Variants in KSR1 observed in about 807,000 individuals in gnomAD.
KSR1 encodes the protein kinase suppressor of ras 1.
KSR1 carries 35 observed loss-of-function variants against 92.9 expected under a neutral mutation model. The ratio of observed to expected loss-of-function variants is 0.38; its 90% CI spans 0.29 to 0.50. KSR1 has a LOEUF of 0.50. Among genes scored for constraint, KSR1 ranks in the 20% least tolerant of loss-of-function variants. The pLI is 0.94. For synonymous variants in KSR1, 467 were observed against 472.6 expected, an observed-to-expected ratio of 0.99 and a Z score of 0.15; for missense variants, 972 against 1,158.5, an observed-to-expected ratio of 0.84 and a Z score of 2.34.
At chr17:27,595,387 A>G (rs1056397603) in intron 9 of KSR1, among the ~76,000 whole-genome samples, 3 of 152,028 alleles carry the variant, frequency 2.0e-5, no homozygotes, top group Non-Finnish European at 4.4e-5. Flanking sequence ...TGTACCACAC[A>G]CTCCCACCTT....
chr17:27,575,864 G>A (rs973417947), intron 2 of KSR1, among the ~76,000 whole-genome samples: 1 of 152,182 alleles, frequency 6.6e-6, no homozygotes, highest in Non-Finnish European at 1.5e-5. Flanking sequence ...TGGTTCTCTA[G>A]GTGGAGGAAT....
intron 1 of KSR1, among the ~76,000 whole-genome samples, chr17:27,511,180 CCTGCAGAATGTTTGG>C (rs1745611225): frequency 6.6e-6 from 1 of 152,204 alleles, no homozygotes; most frequent in Non-Finnish European, 1.5e-5. Flanking sequence ...GCATCTTGCT[CCTGCAGAATGTTTGG>C]CTGTGAAGAG....
chr17:27,588,359 A>G (rs2073046257), intron 5 of KSR1, 116 bp from the exon 6 acceptor site: 2 of 802,246 alleles, frequency 2.5e-6, no homozygotes, highest in Non-Finnish European at 3.8e-6. Flanking sequence ...GGAGATGCTT[A>G]TATAATAAAC....
chr17:27,620,962 TCA>T (rs960466358), intron 19 of KSR1: 15 of 371,148 alleles, frequency 4.0e-5, no homozygotes, highest in African/African-American at 6.2e-5. Context: ...AGCTTCCTGT[TCA>T]CAGTGTTTAC....
intron 2 of KSR1, chr17:27,566,284 G>T: frequency 2.6e-6 from 1 of 390,992 alleles, no homozygotes; most frequent in Middle Eastern, 6.4e-4. Context: ...CCCAGCACCT[G>T]CCCCGGGAAG....
chr17:27,530,467 C>T (rs1453291460), intron 1 of KSR1, among the ~76,000 whole-genome samples: 1 of 151,912 alleles, frequency 6.6e-6, no homozygotes, highest in African/African-American at 2.4e-5. Flanking sequence ...AAAGACCCAG[C>T]AGGGCAGATG....
chr17:27,568,960 A>C (rs1261310320), intron 2 of KSR1, among the ~76,000 whole-genome samples: 1 of 152,184 alleles, frequency 6.6e-6, no homozygotes, highest in East Asian at 1.9e-4. Context: ...GTCCCCTAGA[A>C]GTCAAGTGTC....
chr17:27,568,964 A>T (rs1225606727), intron 2 of KSR1, among the ~76,000 whole-genome samples: 2 of 152,156 alleles, frequency 1.3e-5, no homozygotes, highest in Non-Finnish European at 2.9e-5. Context: ...CCTAGAAGTC[A>T]AGTGTCACCC....
chr17:27,502,577 A>G (rs559427877), intron 1 of KSR1, among the ~76,000 whole-genome samples: 1 of 152,344 alleles, frequency 6.6e-6, no homozygotes, highest in Non-Finnish European at 1.5e-5. Flanking sequence ...GCAGCCTCAC[A>G]AGTGGTCATT....
At position 27,501,292 on chromosome 17, in the gene KSR1, C is replaced by CTTTTTT; in HGVS notation, c.231+44438_231+44443dup. Among the ~76,000 whole-genome samples, 89 of 49,678 alleles carry CTTTTTT rather than the reference C, an allele frequency of 1.8e-3. 1 individual carries two copies. The highest frequency in any genetic ancestry group is 2.0e-3 in the Non-Finnish European group (60 of 29,882). The allele number at this position is 49,678 out of a possible 152,430, so 32.6% of individuals were successfully genotyped here. On this transcript the variant is annotated intron_variant, in intron 1 of 20. Coordinates refer to ENST00000644974, the MANE Select transcript of KSR1 (RefSeq NM_001394583.1). ...TTTTTTTTTTTTAATTTCTTTTCTT[C>CTTTTTT]TTTTTTTTTTTTTTTTTTTTTTTTT...
intron 2 of KSR1, among the ~76,000 whole-genome samples, chr17:27,565,510 C>T (rs2072027067): frequency 1.3e-5 from 2 of 152,216 alleles, no homozygotes; most frequent in African/African-American, 2.4e-5. Context: ...CTGCATCCTC[C>T]ATCTTTTGGC....
chr17:27,474,026 G>A (rs572884106), intron 1 of KSR1, among the ~76,000 whole-genome samples: 11 of 152,204 alleles, frequency 7.2e-5, no homozygotes, highest in Admixed American at 1.3e-4. Context: ...TGTGGGCTGC[G>A]ATCGGCCATG....
At chr17:27,560,314 G>C (rs894271002) in intron 2 of KSR1, 1 of 388,440 alleles carries the variant, frequency 2.6e-6, no homozygotes, top group Non-Finnish European at 5.1e-6. Context: ...GTTGTTGAAA[G>C]GAAGTGGCAA....
rs758553199 is a variant in KSR1 at position 27,610,095 on chromosome 17, G to T, written c.2254G>T (p.Asp752Tyr). The T allele has an allele frequency of 6.2e-7, 1 of 1,613,976 alleles. No individual in the cohort carries two copies. The highest frequency in any genetic ancestry group is 1.1e-5 in the South Asian group (1 of 91,066). ...RRENQLKLSH[D>Y]WLCYLAPEIV... Reference sequence around the variant, plus strand: ...TGAGAACCAGCTAAAGCTGTCCCACGACTGGCTGTGCTATCTGGCCCCTGA... The same window carrying T: ...TGAGAACCAGCTAAAGCTGTCCCACTACTGGCTGTGCTATCTGGCCCCTGA... The change falls in exon 17 of 21, where the codon GAC becomes TAC. Residue 752 changes from aspartate (D) to tyrosine (Y), a missense_variant. Asp to Tyr is a radical substitution (Grantham distance 160). Transcript: ENST00000644974.
At chr17:27,537,555 G>C (rs191267695) in intron 1 of KSR1, among the ~76,000 whole-genome samples, 1 of 152,176 alleles carries the variant, frequency 6.6e-6, no homozygotes, top group Admixed American at 6.5e-5. Context: ...GCTGAGCGTG[G>C]TGGCGGGCAC....
At chr17:27,560,085 C>T (rs1212235220) in intron 2 of KSR1, among the ~76,000 whole-genome samples, 2 of 152,048 alleles carry the variant, frequency 1.3e-5, no homozygotes, top group South Asian at 2.1e-4. Context: ...GTGGAAGGGT[C>T]GGGGATAGGA....
At chr17:27,622,236 C>T (rs926518659) in intron 20 of KSR1, 8 of 459,784 alleles carry the variant, frequency 1.7e-5, no homozygotes, top group South Asian at 9.6e-5. Flanking sequence ...TGATTGCTCC[C>T]GTGTTCTTCT....
At chr17:27,512,489 G>A (rs1374983706) in intron 1 of KSR1, among the ~76,000 whole-genome samples, 6 of 152,184 alleles carry the variant, frequency 3.9e-5, no homozygotes, top group African/African-American at 9.6e-5. Context: ...TTGGGAGGCC[G>A]AGGCAGGTGG....
intron 1 of KSR1, among the ~76,000 whole-genome samples, chr17:27,474,363 C>T (rs1267397536): frequency 1.3e-5 from 2 of 152,226 alleles, no homozygotes; most frequent in Non-Finnish European, 2.9e-5. Flanking sequence ...CTATAAAGCT[C>T]TGCTGGACCA....
Sources: gnomAD v4.1 joint callset for allele counts (sites outside exome capture counted in the v4.1 genomes callset) on GRCh38, gnomAD v4.1.1 for gene constraint, MANE v1.5 for transcripts, NCBI Gene and HGNC (gene_info 2026-07-23, HGNC 2026-07-21) for gene names.